DNAH3: variants seen among roughly 807,000 people sequenced by gnomAD.
The protein encoded by DNAH3 is dynein axonemal heavy chain 3, also known as axonemal beta dynein heavy chain 3.
DNAH3 carries 332 observed loss-of-function variants against 432.5 expected under a neutral mutation model. The observed-to-expected ratio is 0.77, with a 90% confidence interval of 0.70 to 0.84. The LOEUF is 0.84. DNAH3 is among the 40% of genes least tolerant of loss of function. The pLI is 0.00. For synonymous variants in DNAH3, 1,956 were observed against 1,900.2 expected (o/e 1.03, Z -0.76); for missense variants, 4,861 against 5,114.0 (o/e 0.95, Z 1.51).
chr16:21,049,497 A>T, intron 31 of DNAH3, 72 bp downstream of exon 31: 1 of 1,182,336 alleles, frequency 8.5e-7, no homozygotes, highest in Non-Finnish European at 1.3e-6. Context: ...CCTGTTATTA[A>T]GGGGTGCAGA....
At chr16:21,039,365 C>A (rs944199025) in intron 33 of DNAH3, among the ~76,000 whole-genome samples, 1 of 151,874 alleles carries the variant, frequency 6.6e-6, no homozygotes, top group African/African-American at 2.4e-5. Flanking sequence ...ATTACAGGTG[C>A]ACGCCACCAA....
At chr16:21,066,583 G>T (rs76583972) in intron 24 of DNAH3, among the ~76,000 whole-genome samples, 12,431 of 152,006 alleles carry the variant, frequency 0.082, 724 homozygotes, top group South Asian at 0.19. Context: ...TGTCCAGGCT[G>T]GTCTCAAATT....
At chr16:21,127,978 G>C (rs913954807) in intron 7 of DNAH3, among the ~76,000 whole-genome samples, 166 bp from the exon 9 acceptor site, 1 of 152,158 alleles carries the variant, frequency 6.6e-6, no homozygotes, top group Admixed American at 6.6e-5. Context: ...GGAGGCTGAG[G>C]AGGGAGGAGC....
At chr16:21,124,813 A>G (rs990153322) in intron 9 of DNAH3, among the ~76,000 whole-genome samples, 3 of 151,838 alleles carry the variant, frequency 2.0e-5, no homozygotes, top group Non-Finnish European at 4.4e-5. Context: ...CCATGCCAGG[A>G]AAATTTTTGT....
At chr16:20,968,390 C>T (rs908571985) in intron 52 of DNAH3, among the ~76,000 whole-genome samples, 2 of 152,108 alleles carry the variant, frequency 1.3e-5, no homozygotes, top group East Asian at 3.9e-4. Context: ...AGAGATCTAA[C>T]ATTTCAGAAA....
chr16:21,054,232 G>A (rs186370423), intron 28 of DNAH3, among the ~76,000 whole-genome samples, 188 bp downstream of exon 28: 393 of 152,282 alleles, frequency 2.6e-3, no homozygotes, highest in African/African-American at 9.3e-3. Context: ...ATCAGGTTGC[G>A]GATGGGAGAG....
chr16:21,156,237 A>AT (rs1357567503), intron 1 of DNAH3, among the ~76,000 whole-genome samples: 1 of 144,764 alleles, frequency 6.9e-6, no homozygotes, highest in Admixed American at 6.9e-5. Context: ...ATTTTATTTT[A>AT]TTTTATTTTA....
chr16:20,967,225 T>G (rs1455159258), intron 52 of DNAH3, among the ~76,000 whole-genome samples: 1 of 152,192 alleles, frequency 6.6e-6, no homozygotes, highest in African/African-American at 2.4e-5. Context: ...ACTCAATTGC[T>G]CTTTTGCTCC....
intron 47 of DNAH3, among the ~76,000 whole-genome samples, chr16:20,986,716 A>AAC (rs1281770189): frequency 1.3e-5 from 2 of 152,138 alleles, no homozygotes; most frequent in East Asian, 3.9e-4. Flanking sequence ...CTGGAGTAGG[A>AAC]ACGTTTTAGA....
chr16:20,979,649 G>T, intron 49 of DNAH3, 103 bp from the exon 50 acceptor site: 1 of 1,017,602 alleles, frequency 9.8e-7, no homozygotes. Flanking sequence ...CACATACACT[G>T]ACTGTGACAC....
chr16:20,958,265 G>A (rs949764541), intron 54 of DNAH3, among the ~76,000 whole-genome samples: 2 of 151,764 alleles, frequency 1.3e-5, no homozygotes, highest in Non-Finnish European at 2.9e-5. Flanking sequence ...GTAGAGATGG[G>A]GTTTTGCCAT....
intron 59 of DNAH3, 143 bp downstream of exon 59, chr16:20,941,258 C>G: frequency 2.3e-6 from 2 of 878,144 alleles, no homozygotes; most frequent in Non-Finnish European, 1.8e-6. Flanking sequence ...GGGGATGGTC[C>G]TATTCACAGC....
intron 41 of DNAH3, among the ~76,000 whole-genome samples, chr16:21,011,589 G>T (rs1387294249): frequency 6.6e-6 from 1 of 152,028 alleles, no homozygotes; most frequent in Non-Finnish European, 1.5e-5. Flanking sequence ...TCAAATTCCT[G>T]GGCTCAAGAA....
At chr16:21,037,640 G>C (rs979768256) in intron 34 of DNAH3, 121 bp downstream of exon 34, 1 of 755,284 alleles carries the variant, frequency 1.3e-6, no homozygotes, top group African/African-American at 1.7e-5. Flanking sequence ...GGTATCAGGT[G>C]GCAGAGATGC....
intron 43 of DNAH3, among the ~76,000 whole-genome samples, chr16:20,999,109 G>A (rs1356535706): frequency 6.6e-6 from 1 of 152,122 alleles, no homozygotes; most frequent in African/African-American, 2.4e-5. Context: ...GGAAAAATTA[G>A]CCAAGAGTGG....
chr16:21,158,836 G>C (rs904104881), intron 1 of DNAH3: 4 of 162,446 alleles, frequency 2.5e-5, no homozygotes, highest in African/African-American at 9.6e-5. Context: ...GAGCGCGGGG[G>C]CGACGGCGTG....
intron 33 of DNAH3, 21 bp from the exon 34 acceptor site, chr16:21,038,001 A>C (rs1039620829): frequency 1.9e-6 from 3 of 1,608,314 alleles, no homozygotes; most frequent in Non-Finnish European, 2.6e-6. Flanking sequence ...AAAGACATGT[A>C]TGCGGACACC....
At chr16:21,129,623 G>A (rs1403668950) in intron 7 of DNAH3, among the ~76,000 whole-genome samples, 1 of 151,036 alleles carries the variant, frequency 6.6e-6, no homozygotes, top group Non-Finnish European at 1.5e-5. Flanking sequence ...TGTAATCCCA[G>A]CTACTCAGGA....
intron 25 of DNAH3, 150 bp from the exon 26 acceptor site, chr16:21,060,506 CTTTTT>C (rs1234109423): frequency 2.8e-6 from 1 of 357,292 alleles, no homozygotes; most frequent in African/African-American, 2.4e-5. Context: ...TCTCCCCGTT[CTTTTT>C]TTCTTTTTTT....
Sources: gnomAD v4.1 joint callset for allele counts (sites outside exome capture counted in the v4.1 genomes callset) on GRCh38, gnomAD v4.1.1 for gene constraint, MANE v1.5 for transcripts, NCBI Gene and HGNC (gene_info 2026-07-23, HGNC 2026-07-21) for gene names.